Variants in TGFBR3 observed in about 807,000 individuals in gnomAD.
The protein encoded by TGFBR3 is transforming growth factor beta receptor 3.
In TGFBR3, 46 loss-of-function variants were observed where a neutral mutation model predicts 87.9. The ratio of observed to expected loss-of-function variants is 0.52; its 90% CI spans 0.41 to 0.67. The LOEUF (loss-of-function observed/expected upper bound fraction) is 0.67. Ranked by LOEUF, TGFBR3 falls within the 30% of genes least tolerant of loss-of-function variation. The pLI is 0.00. For synonymous variants in TGFBR3, 381 were observed against 391.6 expected, an observed-to-expected ratio of 0.97 and a Z score of 0.32; for missense variants, 866 against 1,041.9, an observed-to-expected ratio of 0.83 and a Z score of 2.32.
intron 14 of TGFBR3, among the ~76,000 whole-genome samples, chr1:91,702,566 T>C (rs2100734981): frequency 6.6e-6 from 1 of 152,290 alleles, no homozygotes; most frequent in East Asian, 1.9e-4. Context: ...TGATGGTTCT[T>C]AACTTTTAGA....
At chr1:91,777,847 C>T (rs77454021) in intron 3 of TGFBR3, among the ~76,000 whole-genome samples, 489 of 152,290 alleles carry the variant, frequency 3.2e-3, no homozygotes, top group African/African-American at 0.011. Flanking sequence ...TGCTTTGCAC[C>T]GGTGCCCAGT....
chr1:91,773,368 G>A (rs1674452271), intron 3 of TGFBR3, among the ~76,000 whole-genome samples: 1 of 151,910 alleles, frequency 6.6e-6, no homozygotes, highest in Non-Finnish European at 1.5e-5. Flanking sequence ...AACTAATAGA[G>A]TCAGTAAAAG....
intron 2 of TGFBR3, among the ~76,000 whole-genome samples, chr1:91,823,562 T>C (rs1676528000): frequency 6.6e-6 from 1 of 152,202 alleles, no homozygotes; most frequent in Non-Finnish European, 1.5e-5. Context: ...TACTAATACA[T>C]GCAACAACTT....
At chr1:91,771,029 A>G (rs889520065) in intron 3 of TGFBR3, 1 of 152,218 alleles carries the variant, frequency 6.6e-6, no homozygotes, top group African/African-American at 2.4e-5. Flanking sequence ...TTTGCAATGC[A>G]TAAGAGGTAA....
intron 1 of TGFBR3, among the ~76,000 whole-genome samples, chr1:91,872,979 G>C (rs553136653): frequency 1.1e-4 from 17 of 151,924 alleles, no homozygotes; most frequent in African/African-American, 3.6e-4. Context: ...GTGGTGGGAG[G>C]GGGGGATAGG....
chr1:91,878,282 A>G (rs1238412792), intron 1 of TGFBR3, among the ~76,000 whole-genome samples: 1 of 58,832 alleles, frequency 1.7e-5, no homozygotes, highest in Non-Finnish European at 4.1e-5. Context: ...GAATGAAAAG[A>G]AAAAAAAAAA....
chr1:91,779,468 A>G (rs1174540118), intron 3 of TGFBR3, among the ~76,000 whole-genome samples: 1 of 152,156 alleles, frequency 6.6e-6, no homozygotes, highest in Non-Finnish European at 1.5e-5. Context: ...CAGATCTTGC[A>G]CTCCTAAGAG....
intron 3 of TGFBR3, among the ~76,000 whole-genome samples, chr1:91,773,149 C>T (rs924849047): frequency 6.6e-6 from 1 of 152,024 alleles, no homozygotes; most frequent in Non-Finnish European, 1.5e-5. Flanking sequence ...GAGGCTGAGG[C>T]GGACAGATCA....
chr1:91,877,415 C>A (rs1401256573), intron 1 of TGFBR3, among the ~76,000 whole-genome samples: 1 of 152,134 alleles, frequency 6.6e-6, no homozygotes, highest in Non-Finnish European at 1.5e-5. Flanking sequence ...GCAGCCTCGA[C>A]CTCCTGGCTC....
intron 2 of TGFBR3, among the ~76,000 whole-genome samples, chr1:91,798,028 T>C (rs1315696569): frequency 6.6e-6 from 1 of 152,140 alleles, no homozygotes; most frequent in Non-Finnish European, 1.5e-5. Flanking sequence ...CCAAAAGAAG[T>C]AGGATCTGAG....
chr1:91,794,483 G>C (rs370079034), intron 3 of TGFBR3, among the ~76,000 whole-genome samples: 118 of 152,030 alleles, frequency 7.8e-4, no homozygotes, highest in Middle Eastern at 6.8e-3. Flanking sequence ...GATTACAGGT[G>C]TGAGCCACCT....
At chr1:91,781,840 T>A (rs1291484111) in intron 3 of TGFBR3, among the ~76,000 whole-genome samples, 1 of 152,136 alleles carries the variant, frequency 6.6e-6, no homozygotes, top group Non-Finnish European at 1.5e-5. Context: ...GAGAGCTGAA[T>A]CAAGAAAAAG....
chr1:91,850,651 C>G (rs754117414), intron 2 of TGFBR3, among the ~76,000 whole-genome samples: 3 of 151,874 alleles, frequency 2.0e-5, no homozygotes, highest in Middle Eastern at 3.2e-3. Context: ...TGTGGTGCCA[C>G]GTGCCTGTAG....
chr1:91,822,869 C>T (rs553518062), intron 2 of TGFBR3, among the ~76,000 whole-genome samples: 10 of 152,056 alleles, frequency 6.6e-5, no homozygotes, highest in Admixed American at 3.3e-4. Flanking sequence ...GAGGTTGCAG[C>T]GAGCCAAGAT....
At chr1:91,697,409 T>G (rs182223063) in intron 15 of TGFBR3, among the ~76,000 whole-genome samples, 1 of 152,176 alleles carries the variant, frequency 6.6e-6, no homozygotes, top group African/African-American at 2.4e-5. Context: ...AAGCACAGAT[T>G]CACAAATTCT....
At chr1:91,882,212 C>T (rs1557760861) in intron 1 of TGFBR3, among the ~76,000 whole-genome samples, 8 of 148,576 alleles carry the variant, frequency 5.4e-5, no homozygotes, top group Admixed American at 5.3e-4. Flanking sequence ...TCTCAGCTCA[C>T]TGAAACCTCC....
chr1:91,711,700 G>C (rs919692762), intron 13 of TGFBR3, among the ~76,000 whole-genome samples: 5 of 152,176 alleles, frequency 3.3e-5, no homozygotes, highest in Non-Finnish European at 7.3e-5. Flanking sequence ...AAATGGTTCT[G>C]CTTTTTGTTA....
intron 4 of TGFBR3, among the ~76,000 whole-genome samples, chr1:91,752,608 A>G (rs1673586190): frequency 6.6e-6 from 1 of 152,162 alleles, no homozygotes; most frequent in Admixed American, 6.5e-5. Flanking sequence ...ATTTTAGGTT[A>G]TTAAAAGCCA....
At chr1:91,778,805 A>G (rs1674663647) in intron 3 of TGFBR3, among the ~76,000 whole-genome samples, 4 of 152,238 alleles carry the variant, frequency 2.6e-5, no homozygotes. Flanking sequence ...ACATATTTAA[A>G]AATAAATATC....
Sources: allele counts gnomAD v4.1 joint callset (sites outside exome capture counted in the v4.1 genomes callset), GRCh38; gene constraint gnomAD v4.1.1; transcripts MANE v1.5; gene names NCBI Gene and HGNC (gene_info 2026-07-23, HGNC 2026-07-21).